ASIC2: variants seen among roughly 807,000 people sequenced by gnomAD.
ASIC2 encodes the protein acid-sensing ion channel 2.
Under a neutral mutation model 57.3 loss-of-function variants are expected in ASIC2, and 25 were observed. The observed-to-expected ratio is 0.44, with a 90% CI of 0.32 to 0.61. ASIC2 has a LOEUF of 0.61. ASIC2 is among the 20% of genes least tolerant of loss of function. ASIC2 has a pLI of 0.06. For missense variants in ASIC2, 641 were observed against 738.1 expected (o/e 0.87, Z 1.52); for synonymous variants, 319 against 307.5 (o/e 1.04, Z -0.39).
intron 1 of ASIC2, among the ~76,000 whole-genome samples, chr17:33,613,205 A>G (rs1191489995): frequency 6.6e-6 from 1 of 152,194 alleles, no homozygotes; most frequent in Non-Finnish European, 1.5e-5. Flanking sequence ...TTTCATTTAA[A>G]AAATAACAGT....
chr17:33,065,847 T>G (rs2092041290), intron 3 of ASIC2, among the ~76,000 whole-genome samples: 1 of 152,252 alleles, frequency 6.6e-6, no homozygotes, highest in Non-Finnish European at 1.5e-5. Flanking sequence ...TCATTTATCC[T>G]TCATAGGAGC....
chr17:33,459,857 G>GGGCA (rs1245713611), intron 1 of ASIC2, among the ~76,000 whole-genome samples: 2 of 152,174 alleles, frequency 1.3e-5, no homozygotes, highest in East Asian at 1.9e-4. Context: ...TGCCAGAAGT[G>GGGCA]ATTGTCTCTA....
chr17:33,986,734 A>G (rs1905832079), intron 1 of ASIC2, among the ~76,000 whole-genome samples: 1 of 152,114 alleles, frequency 6.6e-6, no homozygotes. Context: ...TAACCCTCAG[A>G]GTAATCCTTT....
chr17:33,652,306 T>C (rs1360776066), intron 1 of ASIC2, among the ~76,000 whole-genome samples: 1 of 152,150 alleles, frequency 6.6e-6, no homozygotes, highest in Non-Finnish European at 1.5e-5. Context: ...GAGACTCTGA[T>C]TGAATAGGCC....
chr17:33,845,169 G>A (rs1237456338), intron 1 of ASIC2, among the ~76,000 whole-genome samples: 2 of 152,224 alleles, frequency 1.3e-5, no homozygotes, highest in African/African-American at 4.8e-5. Context: ...GGTTCTGCAA[G>A]TCAAGTTAGT....
chr17:33,066,038 T>C (rs1316438793), intron 3 of ASIC2, among the ~76,000 whole-genome samples: 1 of 152,122 alleles, frequency 6.6e-6, no homozygotes, highest in Non-Finnish European at 1.5e-5. Flanking sequence ...TCTTTGACCA[T>C]GTGCTTCCCA....
chr17:34,084,976 G>C (rs1325241262), intron 1 of ASIC2, among the ~76,000 whole-genome samples: 5 of 152,162 alleles, frequency 3.3e-5, no homozygotes, highest in Non-Finnish European at 7.4e-5. Flanking sequence ...CAATCATGTT[G>C]TCTGCAAATA....
intron 1 of ASIC2, among the ~76,000 whole-genome samples, chr17:33,850,915 T>C (rs1913746509): frequency 6.6e-6 from 1 of 152,012 alleles, no homozygotes; most frequent in African/African-American, 2.4e-5. Flanking sequence ...TCCCAGCCCA[T>C]TAACCTGGGG....
At chr17:33,577,569 C>T (rs1916666223) in intron 1 of ASIC2, among the ~76,000 whole-genome samples, 1 of 152,152 alleles carries the variant, frequency 6.6e-6, no homozygotes, top group African/African-American at 2.4e-5. Flanking sequence ...AATAACCAAA[C>T]CTGATATTTC....
At chr17:33,942,688 T>C (rs1387554598) in intron 1 of ASIC2, among the ~76,000 whole-genome samples, 1 of 152,202 alleles carries the variant, frequency 6.6e-6, no homozygotes, top group East Asian at 1.9e-4. Context: ...GTCTAGTTTT[T>C]TCATTCCTGA....
chr17:33,808,154 G>A (rs1912320519), intron 1 of ASIC2, among the ~76,000 whole-genome samples: 1 of 152,302 alleles, frequency 6.6e-6, no homozygotes, highest in African/African-American at 2.4e-5. Flanking sequence ...TTATAATTCT[G>A]TGCTTTACTT....
intron 2 of ASIC2, 131 bp downstream of exon 2, chr17:33,111,786 G>T: frequency 7.7e-7 from 1 of 1,302,850 alleles, no homozygotes; most frequent in Non-Finnish European, 1.0e-6. Context: ...TTATGATCTA[G>T]CAGCATGTCA....
chr17:34,100,963 C>T (rs1910843118), intron 1 of ASIC2, among the ~76,000 whole-genome samples: 1 of 152,108 alleles, frequency 6.6e-6, no homozygotes, highest in Admixed American at 6.5e-5. Flanking sequence ...ACTTCTTTGT[C>T]CCTCAGTTTT....
intron 8 of ASIC2, 53 bp from the exon 9 acceptor site, chr17:33,016,092 A>T: frequency 6.3e-7 from 1 of 1,575,556 alleles, no homozygotes; most frequent in Admixed American, 1.7e-5. Flanking sequence ...GTGCAGAGGC[A>T]GAAGGGACCT....
chr17:33,651,128 AACAC>A (rs375276938), intron 1 of ASIC2, among the ~76,000 whole-genome samples: 9 of 150,094 alleles, frequency 6.0e-5, no homozygotes, highest in South Asian at 2.1e-4. Flanking sequence ...ATTTTGTAGA[AACAC>A]ACACACACAC....
intron 1 of ASIC2, among the ~76,000 whole-genome samples, chr17:33,676,500 G>T (rs1907823721): frequency 6.6e-6 from 1 of 151,220 alleles, no homozygotes; most frequent in Admixed American, 6.6e-5. Flanking sequence ...CTGATATAGA[G>T]AACGTTTCAG....
intron 1 of ASIC2, among the ~76,000 whole-genome samples, chr17:33,850,685 C>T (rs192255380): frequency 6.6e-6 from 1 of 152,278 alleles, no homozygotes; most frequent in East Asian, 1.9e-4. Flanking sequence ...CAGGTAAAAT[C>T]GTTGCTTGCT....
intron 1 of ASIC2, among the ~76,000 whole-genome samples, chr17:33,177,209 C>A (rs1222890787): frequency 6.6e-6 from 1 of 152,160 alleles, no homozygotes; most frequent in Non-Finnish European, 1.5e-5. Flanking sequence ...GTTCCACTGG[C>A]CTCTGATCTG....
At chr17:33,645,811 A>G (rs17249978) in intron 1 of ASIC2, among the ~76,000 whole-genome samples, 7,111 of 152,144 alleles carry the variant, frequency 0.047, 198 homozygotes, top group South Asian at 0.13. Context: ...TCAAAATACA[A>G]CTCAGTCCTT....
Sources: allele counts gnomAD v4.1 joint callset (sites outside exome capture counted in the v4.1 genomes callset), GRCh38; gene constraint gnomAD v4.1.1; transcripts MANE v1.5; gene names NCBI Gene and HGNC (gene_info 2026-07-23, HGNC 2026-07-21).